The following BCKDHB variants were observed in gnomAD, a reference collection of about 807,000 sequenced individuals.
BCKDHB encodes 2-oxoisovalerate dehydrogenase subunit beta, mitochondrial.
A neutral mutation model predicts 48.5 loss-of-function variants in BCKDHB; 41 were observed. The observed-to-expected ratio is 0.85, with a 90% CI of 0.66 to 1.10. BCKDHB has a LOEUF of 1.10. BCKDHB is among the 50% of genes least tolerant of loss of function. The pLI is 0.00. For synonymous variants in BCKDHB, 201 were observed against 174.8 expected (o/e 1.15, Z -1.18); for missense variants, 496 against 494.2 (o/e 1.00, Z -0.03).
At chr6:80,190,532 A>G (rs1168140270) in intron 6 of BCKDHB, among the ~76,000 whole-genome samples, 3 of 152,186 alleles carry the variant, frequency 2.0e-5, no homozygotes, top group Non-Finnish European at 4.4e-5. Context: ...TAAATCTAGT[A>G]GCAGTCACAT....
the BCKDHB span, among the ~76,000 whole-genome samples, chr6:80,408,149 A>G: frequency 6.6e-6 from 1 of 152,072 alleles, no homozygotes; most frequent in Non-Finnish European, 1.5e-5. Context: ...TGTGTGATGG[A>G]TTACTTTTAT....
At chr6:80,122,282 A>T (rs567693013) in intron 1 of BCKDHB, among the ~76,000 whole-genome samples, 8 of 152,268 alleles carry the variant, frequency 5.3e-5, no homozygotes, top group Admixed American at 2.0e-4. Context: ...TTTTGCATTG[A>T]TGTTCATCAG....
chr6:80,142,513 C>T (rs904646741), intron 3 of BCKDHB, among the ~76,000 whole-genome samples: 1 of 151,866 alleles, frequency 6.6e-6, no homozygotes, highest in African/African-American at 2.4e-5. Context: ...TTTTAGAAGG[C>T]CATAGGAGTC....
At chr6:80,178,307 A>T (rs1231964432) in intron 6 of BCKDHB, among the ~76,000 whole-genome samples, 1 of 152,190 alleles carries the variant, frequency 6.6e-6, no homozygotes, top group African/African-American at 2.4e-5. Context: ...ATCTCATTTT[A>T]AGTTTAACAT....
At chr6:80,332,413 C>T (rs754140321) in intron 9 of BCKDHB, among the ~76,000 whole-genome samples, 15 of 152,030 alleles carry the variant, frequency 9.9e-5, no homozygotes, top group Non-Finnish European at 4.4e-5. Context: ...TTTAAATACT[C>T]CTGAAGTTTG....
At chr6:80,327,956 T>A (rs78519733) in intron 9 of BCKDHB, among the ~76,000 whole-genome samples, 3,153 of 149,384 alleles carry the variant, frequency 0.021, 130 homozygotes, top group African/African-American at 0.073. Context: ...CTTTCATTTT[T>A]TCTCTGTGAC....
intron 8 of BCKDHB, among the ~76,000 whole-genome samples, chr6:80,246,953 T>G (rs1776644857): frequency 6.6e-6 from 1 of 151,442 alleles, no homozygotes; most frequent in South Asian, 2.1e-4. Flanking sequence ...AGTTAGACAC[T>G]TTGGTCCTTA....
At chr6:80,286,917 C>T (rs919357246) in intron 9 of BCKDHB, among the ~76,000 whole-genome samples, 1 of 152,104 alleles carries the variant, frequency 6.6e-6, no homozygotes, top group Admixed American at 6.5e-5. Context: ...TGTTGTTCAT[C>T]AGTCTTTGGT....
At chr6:80,150,179 A>G (rs16891483) in intron 3 of BCKDHB, among the ~76,000 whole-genome samples, 5,261 of 151,866 alleles carry the variant, frequency 0.035, 308 homozygotes, top group African/African-American at 0.12. Context: ...TCCAACCTCT[A>G]TTCTGGACCC....
intron 3 of BCKDHB, among the ~76,000 whole-genome samples, chr6:80,138,836 T>C (rs1338607801): frequency 6.6e-6 from 1 of 152,178 alleles, no homozygotes; most frequent in East Asian, 1.9e-4. Flanking sequence ...GATGGCTGGG[T>C]CAAATGGTAT....
chr6:80,215,681 T>A (rs1335007461), intron 8 of BCKDHB, among the ~76,000 whole-genome samples: 1 of 152,208 alleles, frequency 6.6e-6, no homozygotes, highest in African/African-American at 2.4e-5. Context: ...ATGATTTACA[T>A]TTTAGGTACA....
chr6:80,434,290 A>G, the BCKDHB span, among the ~76,000 whole-genome samples: 1 of 151,788 alleles, frequency 6.6e-6, no homozygotes, highest in African/African-American at 2.4e-5. Context: ...TCTGCTTCTT[A>G]AAAACATACA....
At chr6:80,112,278 T>C (rs549402823) in intron 1 of BCKDHB, among the ~76,000 whole-genome samples, 1 of 152,280 alleles carries the variant, frequency 6.6e-6, no homozygotes, top group Non-Finnish European at 1.5e-5. Flanking sequence ...CAATGGGTAA[T>C]CCAGTGAAGG....
chr6:80,335,160 AGC>A (rs1769513678), intron 9 of BCKDHB, among the ~76,000 whole-genome samples: 1 of 149,252 alleles, frequency 6.7e-6, no homozygotes, highest in Admixed American at 6.7e-5. Flanking sequence ...TGGTTGCTTT[AGC>A]CAGGATTGAT....
chr6:80,253,734 G>A (rs1180419121), intron 8 of BCKDHB, among the ~76,000 whole-genome samples: 1 of 152,024 alleles, frequency 6.6e-6, no homozygotes. Flanking sequence ...CAAAGTCATA[G>A]CTATATTTAT....
chr6:80,302,204 C>G (rs1297102057), intron 9 of BCKDHB, among the ~76,000 whole-genome samples: 1 of 152,080 alleles, frequency 6.6e-6, no homozygotes, highest in African/African-American at 2.4e-5. Context: ...ATGAAGAAAT[C>G]AAACTGGCTC....
intron 3 of BCKDHB, among the ~76,000 whole-genome samples, chr6:80,153,013 T>G (rs922281559): frequency 2.0e-5 from 3 of 152,150 alleles, no homozygotes; most frequent in Non-Finnish European, 4.4e-5. Context: ...GCCCCCTTGG[T>G]TGGGTTCAAT....
the BCKDHB span, among the ~76,000 whole-genome samples, chr6:80,409,901 T>C: frequency 2.6e-5 from 4 of 152,148 alleles, no homozygotes; most frequent in East Asian, 7.8e-4. Context: ...TATCTTTTAA[T>C]TGGGACATTT....
chr6:80,372,101 A>G, the BCKDHB span, among the ~76,000 whole-genome samples: 4 of 151,624 alleles, frequency 2.6e-5, no homozygotes, highest in African/African-American at 9.7e-5. Flanking sequence ...TAATGATTCT[A>G]CCCACCCGTA....
Sources: allele counts gnomAD v4.1 joint callset (sites outside exome capture counted in the v4.1 genomes callset), GRCh38; gene constraint gnomAD v4.1.1; transcripts MANE v1.5; gene names NCBI Gene and HGNC (gene_info 2026-07-23, HGNC 2026-07-21).